The following PCDHGA5 variants were observed in gnomAD, a reference collection of about 807,000 sequenced individuals.
The protein encoded by PCDHGA5 is protocadherin gamma subfamily A, 5, also known as protocadherin gamma-A5.
PCDHGA5 carries 36 observed loss-of-function variants against 56.7 expected under a neutral mutation model. The observed-to-expected ratio is 0.64, with a 90% confidence interval of 0.49 to 0.84. The LOEUF is 0.84. Ranked by LOEUF, PCDHGA5 falls within the 40% of genes least tolerant of loss-of-function variation. The pLI is 0.00. For synonymous variants in PCDHGA5, 563 were observed against 520.2 expected (o/e 1.08, Z -1.12); for missense variants, 1,305 against 1,201.5 (o/e 1.09, Z -1.27).
chr5:141,364,199 C>A lies in PCDHGA5; in HGVS notation c.-132C>A. 9.0e-7 allele frequency: 1 copy of A among 1,116,560 alleles called. No homozygotes were observed. The highest frequency in any genetic ancestry group is 1.2e-6 in the Non-Finnish European group (1 of 810,146). 69.2% of individuals were successfully genotyped at this position (1,116,560 alleles called of 1,614,324 possible). A position where few individuals can be genotyped will look rare whatever the true frequency, so the allele number is the denominator to read the frequency against. On this transcript the variant is annotated 5_prime_UTR_variant, in exon 1 of 4. Coordinates refer to ENST00000518069, the MANE Select transcript of PCDHGA5 (RefSeq NM_018918.3). Reference sequence around the variant, plus strand: ...CTCCCTCCATACTAAACACACAGACCAGACAAGCTCCTACGAAAAGCCAAC... The same window carrying A: ...CTCCCTCCATACTAAACACACAGACAAGACAAGCTCCTACGAAAAGCCAAC...
chr5:141,394,189 C>G lies in PCDHGA5; in HGVS notation c.2421+27438C>G, dbSNP rs543330174. The stretch of plus-strand genomic sequence containing the variant: ...ACTTTCCCTCATGCCTCCTACTCAG[C>G]GTATATCCTAGAGAACAACCTGAGA... On this transcript the variant is annotated intron_variant, in intron 1 of 3. Coordinates refer to ENST00000518069, the MANE Select transcript of PCDHGA5 (RefSeq NM_018918.3). 4 of 1,613,892 alleles carry G rather than the reference C, an allele frequency of 2.5e-6. No homozygotes were observed. The East Asian group carries it at 6.7e-5, about 27-fold the overall frequency.
rs563283218 is a variant in PCDHGA5, at chr5:141,431,573, G to A, written c.2422-63234G>A. On this transcript the variant is annotated intron_variant, in intron 1 of 3. Coordinates refer to ENST00000518069, the MANE Select transcript of PCDHGA5 (RefSeq NM_018918.3). This position sits in a 1 kb window ranked among gnomAD's most constrained non-coding sequence, Gnocchi z 4.8. ...AGTCAACGCTACCGACCCTGACGAA[G>A]GAGTCAATGCGGAAGTGAGGTATTC... 5.6e-6 allele frequency: 9 copies of A among 1,614,186 alleles called. No homozygotes were observed. The South Asian group carries it at 8.8e-5, about 16-fold the overall frequency.
chr5:141,499,881 T>A (rs2099795027), intron 2 of PCDHGA5, among the ~76,000 whole-genome samples: 1 of 152,082 alleles, frequency 6.6e-6, no homozygotes, highest in African/African-American at 2.4e-5. Flanking sequence ...ACAAACAGGG[T>A]TTCGCCATGT....
chr5:141,392,542 A>C (rs2092551305), intron 1 of PCDHGA5: 1 of 323,320 alleles, frequency 3.1e-6, no homozygotes, highest in African/African-American at 2.1e-5. Flanking sequence ...ATTTAGAAGT[A>C]ATCTGTATCT....
At chr5:141,450,292 C>T (rs1310226132) in intron 1 of PCDHGA5, among the ~76,000 whole-genome samples, 2 of 152,066 alleles carry the variant, frequency 1.3e-5, no homozygotes, top group African/African-American at 2.4e-5. Context: ...GGATTACAGG[C>T]GTGAGCCACC....
intron 1 of PCDHGA5, among the ~76,000 whole-genome samples, chr5:141,480,700 C>A (rs1327284592): frequency 1.3e-5 from 2 of 152,192 alleles, no homozygotes; most frequent in Admixed American, 6.5e-5. Flanking sequence ...CCAGGCCACA[C>A]CCCGACAAAT....
intron 2 of PCDHGA5, among the ~76,000 whole-genome samples, chr5:141,504,141 T>C (rs1289360763): frequency 6.6e-6 from 1 of 152,192 alleles, no homozygotes; most frequent in East Asian, 1.9e-4. Flanking sequence ...AACACTCCCC[T>C]GCAAATTGAA....
chr5:141,489,211 A>G lies in PCDHGA5; in HGVS notation c.2422-5596A>G, dbSNP rs1206929838. On this transcript the variant is annotated intron_variant, in intron 1 of 3. Coordinates refer to ENST00000518069, the MANE Select transcript of PCDHGA5 (RefSeq NM_018918.3). This position sits in a 1 kb window ranked among gnomAD's most constrained non-coding sequence, Gnocchi z 4.5. The stretch of plus-strand genomic sequence containing the variant: ...CTACCTTGGAGACAGGACAGCACAG[A>G]CTTACTCTCCACAAAGGGACTTCTG... 2 of 1,462,498 alleles carry G rather than the reference A, an allele frequency of 1.4e-6. No individual in the cohort carries two copies. Among genetic ancestry groups the G allele is most frequent in the Non-Finnish European group, 1.8e-6 (2 of 1,081,560 alleles). The allele number at this position is 1,462,498 out of a possible 1,614,324, so 90.6% of individuals were successfully genotyped here. A position where few individuals can be genotyped will look rare whatever the true frequency, so the allele number is the denominator to read the frequency against.
At chr5:141,372,324 G>T (rs559633972) in intron 1 of PCDHGA5, 3 of 1,613,586 alleles carry the variant, frequency 1.9e-6, no homozygotes, top group African/African-American at 1.3e-5. Flanking sequence ...GCGCCTGCTG[G>T]TCACTGTGCG....
intron 1 of PCDHGA5, chr5:141,375,222 G>C: frequency 6.2e-7 from 1 of 1,613,926 alleles, no homozygotes; most frequent in Non-Finnish European, 8.5e-7. Flanking sequence ...GGCCTGAATG[G>C]CCTGGTAACC....
chr5:141,381,826 C>CTTTTTTTTTTTT (rs770630741), intron 1 of PCDHGA5, among the ~76,000 whole-genome samples: 14 of 74,282 alleles, frequency 1.9e-4, no homozygotes, highest in Admixed American at 5.8e-4. Context: ...CTTTCTTCTT[C>CTTTTTTTTTTTT]TTTTTTTTTT....
Position 141,477,203 on chromosome 5 carries a change from G to T in PCDHGA5, c.2422-17604G>T. On this transcript the variant is annotated intron_variant, in intron 1 of 3. Coordinates refer to ENST00000518069, the MANE Select transcript of PCDHGA5 (RefSeq NM_018918.3). The surrounding 1 kb of genome is among the most constrained non-coding windows in gnomAD (Gnocchi z 4.9). ...CACCTCCGTGTACAGCCCAGTACCC[G>T]AGGATGCCCCTCTGGGGACTGTCAT... 1 of 1,614,176 alleles carries T rather than the reference G, an allele frequency of 6.2e-7. No individual in the cohort carries two copies. The highest frequency in any genetic ancestry group is 1.1e-5 in the South Asian group (1 of 91,082).
Position 141,393,014 on chromosome 5 carries a change from C to T in PCDHGA5, c.2421+26263C>T, listed in dbSNP as rs761990025. The T allele has an allele frequency of 1.9e-6, 3 of 1,613,736 alleles. No homozygotes were observed. The African/African-American group carries it at 4.0e-5, about 22-fold the overall frequency. On this transcript the variant is annotated intron_variant, in intron 1 of 3. Transcript: ENST00000518069. ...TGGCGAAGCACGGAGTCCGTATCGT[C>T]TCCAGAGGTAGGACGCAGCTCTTTG... is the stretch of plus-strand genomic sequence containing the variant.
intron 1 of PCDHGA5, chr5:141,394,889 T>C: frequency 6.2e-7 from 1 of 1,613,858 alleles, no homozygotes; most frequent in Non-Finnish European, 8.5e-7. Context: ...TTACACTCTA[T>C]CTCGTGGTGG....
chr5:141,479,000 T>C (rs2099485433), intron 1 of PCDHGA5, among the ~76,000 whole-genome samples: 1 of 152,244 alleles, frequency 6.6e-6, no homozygotes, highest in Non-Finnish European at 1.5e-5. Flanking sequence ...TTAAAACTAA[T>C]AGCTTTTTGA....
Position 141,431,859 on chromosome 5 carries a change from C to T in PCDHGA5, c.2422-62948C>T. ...AACTCTCCCAGAGGGACATTAATTG[C>T]CCTTTTAAATGTAAATGACCAAGAT... On this transcript the variant is annotated intron_variant, in intron 1 of 3. Coordinates refer to ENST00000518069, the MANE Select transcript of PCDHGA5 (RefSeq NM_018918.3). The surrounding 1 kb of genome is among the most constrained non-coding windows in gnomAD (Gnocchi z 4.8). 3.1e-6 allele frequency: 5 copies of T among 1,614,178 alleles called. No homozygotes were observed. The highest frequency in any genetic ancestry group is 4.2e-6 in the Non-Finnish European group (5 of 1,180,008).
At chr5:141,399,450 C>T in intron 1 of PCDHGA5, 3 of 1,614,018 alleles carry the variant, frequency 1.9e-6, no homozygotes, top group Non-Finnish European at 1.7e-6. Context: ...TCAGAGACGT[C>T]AACGATAACG....
chr5:141,456,103 T>C lies in PCDHGA5; in HGVS notation c.2422-38704T>C, dbSNP rs185224428. Among the ~76,000 whole-genome samples the C allele has an allele frequency of 2.6e-3, 390 of 152,142 alleles. 3 individuals are homozygous for C. The highest frequency in any genetic ancestry group is 6.7e-3 in the Admixed American group (103 of 15,290). On this transcript the variant is annotated intron_variant, in intron 1 of 3. Coordinates refer to ENST00000518069, the MANE Select transcript of PCDHGA5 (RefSeq NM_018918.3). The stretch of plus-strand genomic sequence containing the variant: ...CAGTAGAGACGGGATTTCACCGTGT[T>C]AGCCAGGATGGTCTCCATCTCCTGA...
Position 141,432,126 on chromosome 5 carries a change from C to A in PCDHGA5, c.2422-62681C>A. 6.2e-7 allele frequency: 1 copy of A among 1,614,144 alleles called. No homozygotes were observed. Among genetic ancestry groups the A allele is most frequent in the South Asian group, 1.1e-5 (1 of 91,058 alleles). ...AACCCGCCGGTCTTCCCTCAGGCCT[C>A]CTATTCCGCTTATATCCCAGAGAAC... On this transcript the variant is annotated intron_variant, in intron 1 of 3. Transcript: ENST00000518069. The surrounding 1 kb of genome is among the most constrained non-coding windows in gnomAD (Gnocchi z 6.0).
Sources: allele counts gnomAD v4.1 joint callset (sites outside exome capture counted in the v4.1 genomes callset), GRCh38; gene constraint gnomAD v4.1.1; non-coding constraint Gnocchi (gnomAD v3.1); transcripts MANE v1.5; gene names NCBI Gene and HGNC (gene_info 2026-07-23, HGNC 2026-07-21).